Variants in IMMP1L observed in about 807,000 individuals in gnomAD.
IMMP1L encodes mitochondrial inner membrane protease subunit 1.
IMMP1L carries 24 observed loss-of-function variants against 21.8 expected under a neutral mutation model. The ratio of observed to expected loss-of-function variants is 1.10; its 90% CI spans 0.80 to 1.55. The LOEUF (loss-of-function observed/expected upper bound fraction) is 1.55, where lower values mean the gene tolerates loss of function less well. Among genes scored for constraint, IMMP1L ranks in the 40% most tolerant of loss-of-function variants. The pLI is 0.00. For missense variants in IMMP1L, 195 were observed against 200.7 expected (o/e 0.97, Z 0.17); for synonymous variants, 46 against 62.8 (o/e 0.73, Z 1.26).
chr11:31,460,738 T>C, intron 2 of IMMP1L, 24 bp from the exon 3 acceptor site: 1 of 1,394,688 alleles, frequency 7.2e-7, no homozygotes, highest in Non-Finnish European at 1.0e-6. Context: ...TAATTTGTAA[T>C]CTAAATTCAA....
At chr11:31,497,709 CA>C (rs1018119548) in intron 1 of IMMP1L, among the ~76,000 whole-genome samples, 1 of 152,100 alleles carries the variant, frequency 6.6e-6, no homozygotes, top group African/African-American at 2.4e-5. Flanking sequence ...ATCCGCCTGC[CA>C]AAGTGTTGGG....
intron 1 of IMMP1L, among the ~76,000 whole-genome samples, chr11:31,490,777 T>G (rs1245506546): frequency 6.6e-6 from 1 of 152,032 alleles, no homozygotes; most frequent in Non-Finnish European, 1.5e-5. Flanking sequence ...AACATGACCT[T>G]ATTTGGAAAA....
intron 3 of IMMP1L, among the ~76,000 whole-genome samples, chr11:31,457,497 T>C (rs1953986080): frequency 6.6e-6 from 1 of 152,108 alleles, no homozygotes; most frequent in Non-Finnish European, 1.5e-5. Flanking sequence ...GTTCCAGAAA[T>C]AGTTTAATGA....
chr11:31,432,456 A>G lies in IMMP1L; in HGVS notation c.*44T>C. 1 of 1,328,508 alleles carries G rather than the reference A, an allele frequency of 7.5e-7. No individual in the cohort carries two copies. The highest frequency in any genetic ancestry group is 1.1e-6 in the Non-Finnish European group (1 of 922,036). 82.3% of individuals were successfully genotyped at this position (1,328,508 alleles called of 1,614,324 possible). On this transcript the variant is annotated 3_prime_UTR_variant, in exon 6 of 6. Transcript: ENST00000532287. The stretch of plus-strand genomic sequence containing the variant: ...CGGTTTCAACGGGAGTAATAAATTC[A>G]CATGAAAAGGAGACAATAATCAAGT...
chr11:31,499,693 C>A (rs1955557145), intron 1 of IMMP1L, among the ~76,000 whole-genome samples: 1 of 152,080 alleles, frequency 6.6e-6, no homozygotes, highest in Non-Finnish European at 1.5e-5. Context: ...ATTTCAGTGT[C>A]CACAAAGTGT....
At chr11:31,452,452 C>T (rs1354373058) in intron 4 of IMMP1L, 4 of 985,290 alleles carry the variant, frequency 4.1e-6, no homozygotes, top group Non-Finnish European at 4.8e-6. Flanking sequence ...GCTGTGCAAA[C>T]CAATAGGAGA....
chr11:31,490,895 C>A (rs1955231663), intron 1 of IMMP1L, among the ~76,000 whole-genome samples: 1 of 152,136 alleles, frequency 6.6e-6, no homozygotes, highest in African/African-American at 2.4e-5. Flanking sequence ...GAAAAGGACA[C>A]AGGAAGACAC....
At chr11:31,455,272 A>C (rs1457913463) in intron 4 of IMMP1L, among the ~76,000 whole-genome samples, 1 of 152,136 alleles carries the variant, frequency 6.6e-6, no homozygotes, top group Non-Finnish European at 1.5e-5. Flanking sequence ...TATAGAGATA[A>C]TGTTAGTTAA....
rs935791385 is a variant in IMMP1L, at chr11:31,509,552, C to G, written c.-63G>C. Reference sequence around the variant, plus strand: ...CCAAAGAACCCTGGAGACCCTCAACCAGGACACAGGTGGGCCTTTCTCACC... The same window carrying G: ...CCAAAGAACCCTGGAGACCCTCAACGAGGACACAGGTGGGCCTTTCTCACC... On this transcript the variant is annotated 5_prime_UTR_variant, in exon 1 of 6. Coordinates refer to ENST00000532287, the MANE Select transcript of IMMP1L (RefSeq NM_001304274.2). 28 of 574,044 alleles carry G rather than the reference C, an allele frequency of 4.9e-5. No individual in the cohort carries two copies. In the Admixed American group the frequency reaches 6.0e-4, roughly 12 times the overall value. 35.6% of individuals were successfully genotyped at this position (574,044 alleles called of 1,614,324 possible).
intron 1 of IMMP1L, among the ~76,000 whole-genome samples, chr11:31,489,826 T>G (rs917109018): frequency 2.0e-5 from 3 of 152,192 alleles, no homozygotes; most frequent in Non-Finnish European, 2.9e-5. Context: ...ATATATCGTT[T>G]CATCCACTTA....
chr11:31,432,701 A>C (rs1175706544), intron 5 of IMMP1L, 133 bp from the exon 6 acceptor site: 1 of 640,314 alleles, frequency 1.6e-6, no homozygotes, highest in Non-Finnish European at 2.8e-6. Flanking sequence ...TCAAGAATAA[A>C]ATTTTCTACA....
chr11:31,494,340 C>T (rs183498575), intron 1 of IMMP1L, among the ~76,000 whole-genome samples: 27 of 152,344 alleles, frequency 1.8e-4, no homozygotes, highest in Non-Finnish European at 2.9e-4. Context: ...GAAGCAATGG[C>T]CCAAGCCGTA....
intron 1 of IMMP1L, among the ~76,000 whole-genome samples, chr11:31,488,523 G>A (rs1027969785): frequency 1.3e-5 from 2 of 152,124 alleles, no homozygotes; most frequent in African/African-American, 4.8e-5. Context: ...TATGTTCCAA[G>A]AGTTAAATGA....
At chr11:31,481,118 C>A (rs892817675) in intron 1 of IMMP1L, among the ~76,000 whole-genome samples, 2 of 152,090 alleles carry the variant, frequency 1.3e-5, no homozygotes, top group African/African-American at 4.8e-5. Context: ...GCCATCACCA[C>A]AGCTAGGGAA....
chr11:31,458,901 A>T (rs962906727), intron 3 of IMMP1L, among the ~76,000 whole-genome samples: 27 of 152,198 alleles, frequency 1.8e-4, no homozygotes, highest in Admixed American at 1.8e-3. Context: ...TGTATTCAAA[A>T]ACTATTCAGC....
chr11:31,457,237 A>T (rs1036345936), intron 3 of IMMP1L, among the ~76,000 whole-genome samples: 12 of 152,156 alleles, frequency 7.9e-5, no homozygotes, highest in African/African-American at 2.7e-4. Context: ...TGAGATATCA[A>T]ACATATAAAA....
intron 3 of IMMP1L, among the ~76,000 whole-genome samples, chr11:31,456,600 C>T (rs1175527620): frequency 1.3e-5 from 2 of 151,966 alleles, no homozygotes; most frequent in Non-Finnish European, 2.9e-5. Flanking sequence ...AAAAGGCTAT[C>T]TAAAATTTCT....
intron 1 of IMMP1L, among the ~76,000 whole-genome samples, chr11:31,491,064 C>CA (rs1372167148): frequency 6.6e-6 from 1 of 152,120 alleles, no homozygotes; most frequent in African/African-American, 2.4e-5. Context: ...TTTTGACCTC[C>CA]AAAATTGTTA....
intron 1 of IMMP1L, among the ~76,000 whole-genome samples, chr11:31,489,509 T>C (rs1205677645): frequency 6.6e-6 from 1 of 152,236 alleles, no homozygotes. Context: ...TCAATTTGAC[T>C]GAAGCTGAGA....
Sources: allele counts gnomAD v4.1 joint callset (sites outside exome capture counted in the v4.1 genomes callset), GRCh38; gene constraint gnomAD v4.1.1; transcripts MANE v1.5; gene names NCBI Gene and HGNC (gene_info 2026-07-23, HGNC 2026-07-21).